NTRK2: variants seen among roughly 807,000 people sequenced by gnomAD.
NTRK2 encodes the protein BDNF/NT-3 growth factors receptor.
In NTRK2, 13 loss-of-function variants were observed where a neutral mutation model predicts 94.5. That is an observed-to-expected ratio of 0.14 (90% CI 0.09 to 0.22). NTRK2 has a LOEUF of 0.22. Among genes scored for constraint, NTRK2 ranks in the 10% least tolerant of loss-of-function variants. The pLI, the probability that NTRK2 is intolerant of heterozygous loss-of-function variation, is 1.00. For synonymous variants in NTRK2, 372 were observed against 407.4 expected (o/e 0.91, Z 1.05); for missense variants, 639 against 1,071.2 (o/e 0.60, Z 5.63).
intron 14 of NTRK2, chr9:84,877,990 C>T (rs2076132767): frequency 2.1e-6 from 2 of 973,290 alleles, no homozygotes; most frequent in East Asian, 7.7e-5. Flanking sequence ...CCTCAAGGCA[C>T]CACGAACAGA....
chr9:84,938,683 T>C (rs1390722425), intron 15 of NTRK2, among the ~76,000 whole-genome samples: 1 of 151,988 alleles, frequency 6.6e-6, no homozygotes, highest in Non-Finnish European at 1.5e-5. Flanking sequence ...TAAATGCTTG[T>C]TGAATGAATG....
At chr9:84,794,276 G>A (rs925995554) in intron 12 of NTRK2, among the ~76,000 whole-genome samples, 2 of 152,184 alleles carry the variant, frequency 1.3e-5, no homozygotes, top group South Asian at 4.1e-4. Context: ...AAATAGGCAG[G>A]AGCCATCACC....
At chr9:84,973,454 A>G (rs1271904475) in intron 17 of NTRK2, among the ~76,000 whole-genome samples, 1 of 152,212 alleles carries the variant, frequency 6.6e-6, no homozygotes, top group African/African-American at 2.4e-5. Flanking sequence ...TGAGTGTGAA[A>G]TGAACAGGAA....
In NTRK2 at chr9:85,024,011, C is replaced by A; in HGVS notation, c.*2574C>A. 4.4e-6 allele frequency: 1 copy of A among 228,018 alleles called. No homozygotes were observed. The allele number at this position is 228,018 out of a possible 1,614,324, so 14.1% of individuals were successfully genotyped here. ...CTTTTTTTTCTCTGAAAGAAAAAAGCAAAAAATAAAATAAAATTCCACTTA... is the reference window on the plus strand; with the variant it reads ...CTTTTTTTTCTCTGAAAGAAAAAAGAAAAAAATAAAATAAAATTCCACTTA... On this transcript the variant is annotated 3_prime_UTR_variant, in exon 19 of 19. Transcript: ENST00000277120.
intron 12 of NTRK2, among the ~76,000 whole-genome samples, chr9:84,795,334 G>A (rs1307311963): frequency 4.6e-5 from 7 of 152,102 alleles, no homozygotes; most frequent in African/African-American, 9.7e-5. Flanking sequence ...AGGCTGTCCC[G>A]TGTACCCCTC....
At chr9:84,686,086 G>A (rs537802418) in intron 2 of NTRK2, among the ~76,000 whole-genome samples, 1 of 152,086 alleles carries the variant, frequency 6.6e-6, no homozygotes, top group Admixed American at 6.5e-5. Context: ...AGTATTAGTT[G>A]GTCTCTGGGT....
At chr9:84,834,811 C>T (rs1426202185) in intron 12 of NTRK2, among the ~76,000 whole-genome samples, 2 of 152,110 alleles carry the variant, frequency 1.3e-5, no homozygotes, top group Non-Finnish European at 1.5e-5. Context: ...AGCAGGGCTG[C>T]CTGCTTGGTT....
intron 12 of NTRK2, among the ~76,000 whole-genome samples, chr9:84,804,366 A>G (rs1473069909): frequency 6.6e-6 from 1 of 152,132 alleles, no homozygotes; most frequent in African/African-American, 2.4e-5. Context: ...TCACACAGGC[A>G]CTGGCTGACC....
chr9:84,809,539 TATA>T (rs2071514605), intron 12 of NTRK2, among the ~76,000 whole-genome samples: 1 of 151,376 alleles, frequency 6.6e-6, no homozygotes, highest in Admixed American at 6.6e-5. Flanking sequence ...ATATATTTGC[TATA>T]ATACTTAAAG....
At position 84,699,883 on chromosome 9, in the gene NTRK2, G is replaced by A. The variant is rs149169810; in HGVS notation, c.213-2276G>A. Among the ~76,000 whole-genome samples the A allele has an allele frequency of 1.4e-4, 21 of 151,938 alleles. No individual in the cohort carries two copies. The East Asian group carries it at 3.5e-3, about 25-fold the overall frequency. ...CGTTGTATTCTATTGAATAAAACCG[G>A]GGAGTTTATAAATTAAATGTCTGAT... On this transcript the variant is annotated intron_variant, in intron 2 of 18. Coordinates refer to ENST00000277120, the MANE Select transcript of NTRK2 (RefSeq NM_006180.6).
At chr9:84,973,661 A>G (rs1410872773) in intron 17 of NTRK2, among the ~76,000 whole-genome samples, 2 of 152,192 alleles carry the variant, frequency 1.3e-5, no homozygotes. Context: ...CACCCATGTG[A>G]TCTGTACATG....
chr9:84,917,808 A>G (rs1048658323), intron 14 of NTRK2, among the ~76,000 whole-genome samples: 1 of 152,204 alleles, frequency 6.6e-6, no homozygotes, highest in Non-Finnish European at 1.5e-5. Flanking sequence ...ATGAGCCAAC[A>G]AAACAGTCAG....
At chr9:84,811,205 A>G (rs960340594) in intron 12 of NTRK2, 4 of 1,063,398 alleles carry the variant, frequency 3.8e-6, no homozygotes, top group Non-Finnish European at 4.6e-6. Context: ...ACTGTCAATA[A>G]AAGTCCAAAT....
intron 16 of NTRK2, among the ~76,000 whole-genome samples, chr9:84,954,490 A>C (rs1434346384): frequency 6.6e-6 from 1 of 152,262 alleles, no homozygotes; most frequent in East Asian, 1.9e-4. Flanking sequence ...TAGTGTAAAC[A>C]ATAAAATTTT....
At chr9:84,855,757 C>A (rs1347912217) in intron 12 of NTRK2, among the ~76,000 whole-genome samples, 1 of 152,132 alleles carries the variant, frequency 6.6e-6, no homozygotes, top group East Asian at 1.9e-4. Context: ...ATGCATTCTA[C>A]TCTGTCTACG....
At chr9:84,910,533 T>C (rs188777292) in intron 14 of NTRK2, among the ~76,000 whole-genome samples, 1 of 152,248 alleles carries the variant, frequency 6.6e-6, no homozygotes, top group East Asian at 1.9e-4. Flanking sequence ...TAATCCAGAG[T>C]GATCTGATCT....
intron 17 of NTRK2, among the ~76,000 whole-genome samples, chr9:84,998,687 T>C (rs1830029175): frequency 1.3e-5 from 2 of 152,274 alleles, no homozygotes; most frequent in Non-Finnish European, 1.5e-5. Context: ...TAGTAGGAGA[T>C]ACACCTTGGC....
At chr9:84,728,011 C>T (rs761432813) in intron 9 of NTRK2, 52 bp downstream of exon 9, 10 of 1,541,114 alleles carry the variant, frequency 6.5e-6, no homozygotes, top group Non-Finnish European at 9.0e-6. Context: ...CTATCATTCA[C>T]CTGTTGACAA....
intron 13 of NTRK2, 128 bp from the exon 14 acceptor site, chr9:84,867,115 G>T: frequency 1.2e-6 from 1 of 834,908 alleles, no homozygotes. Flanking sequence ...AGTGATTATT[G>T]TACTACTCTG....
Sources: gnomAD v4.1 joint callset for allele counts (sites outside exome capture counted in the v4.1 genomes callset) on GRCh38, gnomAD v4.1.1 for gene constraint, MANE v1.5 for transcripts, NCBI Gene and HGNC (gene_info 2026-07-23, HGNC 2026-07-21) for gene names.